TTC33: variants seen among roughly 807,000 people sequenced by gnomAD.
The protein encoded by TTC33 is tetratricopeptide repeat protein 33.
TTC33 carries 24 observed loss-of-function variants against 29.4 expected under a neutral mutation model. That is an observed-to-expected ratio of 0.82 (90% confidence interval 0.59 to 1.15). The LOEUF (loss-of-function observed/expected upper bound fraction) is 1.15. Among genes scored for constraint, TTC33 ranks in the 50% most tolerant of loss-of-function variants. The probability of loss-of-function intolerance (pLI) is 0.00; values close to 1 mark genes in which losing one functional copy is unlikely to be tolerated. For missense variants in TTC33, 286 were observed against 310.4 expected, an observed-to-expected ratio of 0.92 and a Z score of 0.59; for synonymous variants, 107 against 100.3, an observed-to-expected ratio of 1.07 and a Z score of -0.40.
Position 40,746,784 on chromosome 5 carries a change from C to T in TTC33, c.221+14G>A, listed in dbSNP as rs760747653. ...TAAGCTCTTCTCCATAAAAAAAAAA[C>T]TTTAAATACATACCTTTTATTTTCA... On this transcript the variant is annotated intron_variant, in intron 2 of 4. Coordinates refer to ENST00000337702, the MANE Select transcript of TTC33 (RefSeq NM_012382.3). 2.1e-5 allele frequency: 33 copies of T among 1,587,906 alleles called. No homozygotes were observed. Among genetic ancestry groups the T allele is most frequent in the Non-Finnish European group, 1.7e-6 (2 of 1,166,488 alleles).
intron 2 of TTC33, 44 bp downstream of exon 2, chr5:40,746,754 A>G: frequency 6.9e-7 from 1 of 1,449,014 alleles, no homozygotes; most frequent in Non-Finnish European, 9.4e-7. Flanking sequence ...GTGAGCTAGA[A>G]AATGTAAGCT....
intron 2 of TTC33, among the ~76,000 whole-genome samples, 199 bp from the exon 3 acceptor site, chr5:40,730,542 A>C (rs1742402921): frequency 1.3e-5 from 2 of 152,118 alleles, no homozygotes; most frequent in Non-Finnish European, 2.9e-5. Context: ...CATCTCCAGA[A>C]CTTTTTCATC....
chr5:40,754,144 C>T (rs1272600242), intron 1 of TTC33, among the ~76,000 whole-genome samples: 2 of 152,044 alleles, frequency 1.3e-5, no homozygotes, highest in African/African-American at 2.4e-5. Flanking sequence ...GTGAAAAAAC[C>T]ACGCCACTAT....
At chr5:40,748,969 T>C (rs1452421701) in intron 1 of TTC33, among the ~76,000 whole-genome samples, 1 of 151,972 alleles carries the variant, frequency 6.6e-6, no homozygotes, top group African/African-American at 2.4e-5. Flanking sequence ...CTACTAAAAA[T>C]ACAAAAATTA....
intron 2 of TTC33, among the ~76,000 whole-genome samples, chr5:40,731,886 T>C (rs181957393): frequency 6.6e-6 from 1 of 152,356 alleles, no homozygotes; most frequent in Non-Finnish European, 1.5e-5. Flanking sequence ...TCAGACCACA[T>C]AGCAACACTT....
In TTC33 at chr5:40,742,592, A is replaced by G. The variant is rs115985872; in HGVS notation, c.221+4206T>C. The stretch of plus-strand genomic sequence containing the variant: ...TTGTAAAATCTGTTGTTATTTTCCT[A>G]TTGCATAAACAAAGCCTTCTGTACA... On this transcript the variant is annotated intron_variant, in intron 2 of 4. Coordinates refer to ENST00000337702, the MANE Select transcript of TTC33 (RefSeq NM_012382.3). 3.3e-4 allele frequency among the ~76,000 whole-genome samples: 51 copies of G among 152,318 alleles called. 1 individual carries two copies. The highest frequency in any genetic ancestry group is 1.2e-3 in the African/African-American group (49 of 41,572).
rs529062483 is a variant in TTC33 at position 40,713,888 on chromosome 5, G to A, written c.*2257C>T. Among the ~76,000 whole-genome samples the A allele has an allele frequency of 6.6e-6, 1 of 152,014 alleles. No homozygotes were observed. Among genetic ancestry groups the A allele is most frequent in the Non-Finnish European group, 1.5e-5 (1 of 67,980 alleles). On this transcript the variant is annotated 3_prime_UTR_variant, in exon 5 of 5. Coordinates refer to ENST00000337702, the MANE Select transcript of TTC33 (RefSeq NM_012382.3). ...GTATTCACATCCTTGTAAAATAATG[G>A]GTGCATTTTTCTCTTCACGCATAGA...
chr5:40,716,950 T>C (rs1335784371), intron 4 of TTC33, among the ~76,000 whole-genome samples: 8 of 152,136 alleles, frequency 5.3e-5, no homozygotes, highest in Admixed American at 5.2e-4. Flanking sequence ...TGTATTTGGC[T>C]GGGCACGGTG....
chr5:40,738,670 G>A (rs1343739094), intron 2 of TTC33, among the ~76,000 whole-genome samples: 1 of 151,938 alleles, frequency 6.6e-6, no homozygotes, highest in Non-Finnish European at 1.5e-5. Flanking sequence ...CATGAGCAAT[G>A]TATAAAAGTT....
intron 2 of TTC33, among the ~76,000 whole-genome samples, chr5:40,740,705 T>C (rs144608042): frequency 1.3e-5 from 2 of 152,200 alleles, no homozygotes; most frequent in African/African-American, 2.4e-5. Flanking sequence ...CCTAAGACAT[T>C]TCCATCCAAC....
At chr5:40,737,963 G>T (rs1742591980) in intron 2 of TTC33, among the ~76,000 whole-genome samples, 1 of 152,164 alleles carries the variant, frequency 6.6e-6, no homozygotes, top group African/African-American at 2.4e-5. Flanking sequence ...ACCTGCTGAT[G>T]AACATTTAGG....
intron 1 of TTC33, 49 bp from the exon 2 acceptor site, chr5:40,747,068 T>G (rs768129489): frequency 1.3e-6 from 2 of 1,547,774 alleles, no homozygotes; most frequent in South Asian, 2.4e-5. Context: ...TGATCTTTTT[T>G]TTTTTTTGAG....
chr5:40,725,608 C>A (rs1742261624), intron 4 of TTC33, among the ~76,000 whole-genome samples: 1 of 152,046 alleles, frequency 6.6e-6, no homozygotes, highest in African/African-American at 2.4e-5. Flanking sequence ...GGCTGAGAAC[C>A]CTGGAAAGCC....
intron 4 of TTC33, among the ~76,000 whole-genome samples, chr5:40,724,502 A>C (rs1472122145): frequency 9.9e-5 from 15 of 151,920 alleles, no homozygotes; most frequent in Non-Finnish European, 4.4e-5. Context: ...ACATGGTGGC[A>C]CACGCCTATA....
At chr5:40,718,632 G>A (rs2111865163) in intron 4 of TTC33, among the ~76,000 whole-genome samples, 1 of 152,112 alleles carries the variant, frequency 6.6e-6, no homozygotes, top group East Asian at 1.9e-4. Flanking sequence ...TGGCTACTCA[G>A]GGGGCTGAGG....
chr5:40,739,591 T>C (rs1742650523), intron 2 of TTC33, among the ~76,000 whole-genome samples: 1 of 152,174 alleles, frequency 6.6e-6, no homozygotes, highest in African/African-American at 2.4e-5. Flanking sequence ...CTCTTCCTCC[T>C]GCTCCAGCCA....
intron 2 of TTC33, among the ~76,000 whole-genome samples, chr5:40,734,563 G>A (rs1742505048): frequency 6.6e-6 from 1 of 152,212 alleles, no homozygotes; most frequent in Non-Finnish European, 1.5e-5. Context: ...TGGTGATCAA[G>A]CTAAATAAGT....
chr5:40,718,611 C>A (rs778266814), intron 4 of TTC33, among the ~76,000 whole-genome samples: 5 of 151,544 alleles, frequency 3.3e-5, no homozygotes, highest in Non-Finnish European at 7.4e-5. Context: ...ATGGTGGCAC[C>A]CTCCACGTGG....
At position 40,728,413 on chromosome 5, in the gene TTC33, T is replaced by C. The variant is rs763992890; in HGVS notation, c.367A>G (p.Asn123Asp). The C allele has an allele frequency of 2.5e-6, 4 of 1,614,030 alleles. No individual in the cohort carries two copies. The South Asian group carries it at 4.4e-5, about 18-fold the overall frequency. Residue 123 changes from asparagine to aspartate, a missense_variant, in exon 4 of 5, where the codon AAT (asparagine) becomes GAT (aspartate). Transcript: ENST00000337702. ...VHAAEMAVQQ[N>D]PHSWESWQTL... Reference sequence around the variant, plus strand: ...TGCCAAGACTCCCATGAATGTGGATTTTGCTGGACGGCCATTTCTGCTGCA... The same window carrying C: ...TGCCAAGACTCCCATGAATGTGGATCTTGCTGGACGGCCATTTCTGCTGCA...
Sources: gnomAD v4.1 joint callset for allele counts (sites outside exome capture counted in the v4.1 genomes callset) on GRCh38, gnomAD v4.1.1 for gene constraint, MANE v1.5 for transcripts, NCBI Gene and HGNC (gene_info 2026-07-23, HGNC 2026-07-21) for gene names.